Variants in IFNGR2 observed in about 807,000 individuals in gnomAD.
The protein encoded by IFNGR2 is interferon gamma receptor 2, also known as IFN-gamma receptor 2.
IFNGR2 carries 15 observed loss-of-function variants against 41.1 expected under a neutral mutation model. The ratio of observed to expected loss-of-function variants is 0.37; its 90% CI spans 0.24 to 0.56. The LOEUF (loss-of-function observed/expected upper bound fraction) is 0.56. Ranked by LOEUF, IFNGR2 falls within the 20% of genes least tolerant of loss-of-function variation. The pLI is 0.81. For synonymous variants in IFNGR2, 161 were observed against 171.6 expected (o/e 0.94, Z 0.48); for missense variants, 362 against 415.7 (o/e 0.87, Z 1.12).
intron 6 of IFNGR2, among the ~76,000 whole-genome samples, chr21:33,436,613 T>C (rs976655760): frequency 5.3e-5 from 8 of 151,846 alleles, no homozygotes; most frequent in Non-Finnish European, 1.2e-4. Context: ...TCCCAGCTAC[T>C]TGGAGGATTG....
At chr21:33,407,850 C>T (rs1434399575) in intron 1 of IFNGR2, among the ~76,000 whole-genome samples, 1 of 143,462 alleles carries the variant, frequency 7.0e-6, no homozygotes, top group Non-Finnish European at 1.5e-5. Flanking sequence ...CACCGCACCC[C>T]CCCCCGCCAA....
At chr21:33,420,473 A>T (rs2083784007) in intron 2 of IFNGR2, among the ~76,000 whole-genome samples, 1 of 152,174 alleles carries the variant, frequency 6.6e-6, no homozygotes, top group Admixed American at 6.6e-5. Context: ...ATGTGTGGCC[A>T]TGTATTTGGC....
chr21:33,403,626 G>T lies in IFNGR2; in HGVS notation c.73+10G>T, dbSNP rs990250212. On this transcript the variant is annotated intron_variant, in intron 1 of 6. Coordinates refer to ENST00000290219, the MANE Select transcript of IFNGR2 (RefSeq NM_005534.4). Reference sequence around the variant, plus strand: ...GCCGCGGCCCCGCCAGGTGAGCCGGGCCTGGGCCTCCGCGGCGGGACGCGG... The same window carrying T: ...GCCGCGGCCCCGCCAGGTGAGCCGGTCCTGGGCCTCCGCGGCGGGACGCGG... 5.3e-6 allele frequency: 7 copies of T among 1,325,358 alleles called. No homozygotes were observed. The Admixed American group carries it at 1.2e-4, about 23-fold the overall frequency. 82.1% of individuals were successfully genotyped at this position (1,325,358 alleles called of 1,614,324 possible). A position where few individuals can be genotyped will look rare whatever the true frequency, so the allele number is the denominator to read the frequency against.
intron 6 of IFNGR2, among the ~76,000 whole-genome samples, chr21:33,435,694 C>A (rs2083939348): frequency 6.6e-6 from 1 of 151,728 alleles, no homozygotes; most frequent in African/African-American, 2.4e-5. Flanking sequence ...ACCATCCTGG[C>A]CAACAGGGTG....
Position 33,421,715 on chromosome 21 carries a change from TATAC to T in IFNGR2, c.412+31_412+34del, listed in dbSNP as rs778612684. 4.5e-6 allele frequency: 7 copies of T among 1,559,872 alleles called. No individual in the cohort carries two copies. The Admixed American group carries it at 1.2e-4, about 26-fold the overall frequency. ...GAGAACTTGAGTATAGAACTTCCTT[TATAC>T]TTTCCAGGTTTTCTTCACTTGCGGT... On this transcript the variant is annotated intron_variant, in intron 3 of 6. Coordinates refer to ENST00000290219, the MANE Select transcript of IFNGR2 (RefSeq NM_005534.4).
chr21:33,436,600 T>C (rs988586680), intron 6 of IFNGR2, among the ~76,000 whole-genome samples: 1 of 151,882 alleles, frequency 6.6e-6, no homozygotes, highest in Non-Finnish European at 1.5e-5. Context: ...TGGGCACCTG[T>C]AGTCCCAGCT....
chr21:33,403,794 C>T (rs2083658141), intron 1 of IFNGR2, among the ~76,000 whole-genome samples, 178 bp downstream of exon 1: 1 of 152,000 alleles, frequency 6.6e-6, no homozygotes, highest in Non-Finnish European at 1.5e-5. Context: ...TGGGAACCTG[C>T]GGGTGCCCCA....
At position 33,437,098 on chromosome 21, in the gene IFNGR2, A is replaced by ACCTGCTGTCTCTCAT; in HGVS notation, c.*136_*137insCCTGCTGTCTCTCAT. The stretch of plus-strand genomic sequence containing the variant: ...AAAGGCCTGTCCCTGCAGACATGAG[A>ACCTGCTGTCTCTCAT]GACAGCAGGTCTCATGGGGGTGACA... On this transcript the variant is annotated 3_prime_UTR_variant, in exon 7 of 7. Transcript: ENST00000290219. The ACCTGCTGTCTCTCAT allele has an allele frequency of 2.5e-6, 2 of 787,764 alleles. No homozygotes were observed. The highest frequency in any genetic ancestry group is 2.1e-6 in the Non-Finnish European group (1 of 470,102). The allele number at this position is 787,764 out of a possible 1,614,324, so 48.8% of individuals were successfully genotyped here. A position where few individuals can be genotyped will look rare whatever the true frequency, so the allele number is the denominator to read the frequency against.
intron 1 of IFNGR2, chr21:33,411,452 A>AGATGGTG: frequency 2.1e-6 from 1 of 470,954 alleles, no homozygotes; most frequent in Non-Finnish European, 4.4e-6. Context: ...CAGAGATGGG[A>AGATGGTG]GATGGTGAAC....
chr21:33,410,778 A>G, intron 1 of IFNGR2: 2 of 1,203,928 alleles, frequency 1.7e-6, no homozygotes, highest in Non-Finnish European at 2.4e-6. Flanking sequence ...AATTAGAATA[A>G]CTTTTTACAT....
rs2083961531 is a variant in IFNGR2, at chr21:33,436,996, GA to G, written c.*36del. On this transcript the variant is annotated 3_prime_UTR_variant, in exon 7 of 7. Transcript: ENST00000290219. ...ATGGGCCTAGCCCACTGGCTCCCTG[GA>G]AGAGATCAAGCCATCGGAGCTGCTA... 4 of 1,612,372 alleles carry G rather than the reference GA, an allele frequency of 2.5e-6. No homozygotes were observed. Among genetic ancestry groups the G allele is most frequent in the Non-Finnish European group, 3.4e-6 (4 of 1,178,762 alleles).
At chr21:33,410,027 G>A (rs372147250) in intron 1 of IFNGR2, among the ~76,000 whole-genome samples, 4 of 152,126 alleles carry the variant, frequency 2.6e-5, no homozygotes, top group Middle Eastern at 3.4e-3. Context: ...CATTTTATGG[G>A]CGAACATACC....
At chr21:33,422,890 A>G (rs1019114978) in intron 3 of IFNGR2, among the ~76,000 whole-genome samples, 128 of 150,328 alleles carry the variant, frequency 8.5e-4, no homozygotes, top group Non-Finnish European at 1.5e-3. Context: ...AAAAAAAAAA[A>G]AAAAAAAAAA....
chr21:33,437,365 A>C lies in IFNGR2; in HGVS notation c.*403A>C. On this transcript the variant is annotated 3_prime_UTR_variant, in exon 7 of 7. Transcript: ENST00000290219. ...CGGAGCCCCTTGGGCAGGTCACACA[A>C]CCTGTCCCAGCGAGGGACACCGAGT... The C allele has an allele frequency of 5.0e-6, 1 of 198,510 alleles. No homozygotes were observed. The highest frequency in any genetic ancestry group is 2.4e-5 in the African/African-American group (1 of 42,472). The allele number at this position is 198,510 out of a possible 1,614,324, so 12.3% of individuals were successfully genotyped here.
chr21:33,431,444 T>G (rs2083886523), intron 4 of IFNGR2, among the ~76,000 whole-genome samples: 4 of 152,134 alleles, frequency 2.6e-5, no homozygotes, highest in Non-Finnish European at 5.9e-5. Context: ...ATGGTGGGTG[T>G]CTATAATCCC....
chr21:33,412,722 A>G (rs1389284848), intron 1 of IFNGR2, among the ~76,000 whole-genome samples: 1 of 151,972 alleles, frequency 6.6e-6, no homozygotes, highest in Non-Finnish European at 1.5e-5. Context: ...TGCCTGGCTA[A>G]TTTTTCTATT....
At chr21:33,416,359 G>A (rs1188913496) in intron 2 of IFNGR2, among the ~76,000 whole-genome samples, 2 of 152,142 alleles carry the variant, frequency 1.3e-5, no homozygotes, top group Non-Finnish European at 2.9e-5. Context: ...GATGTCATCT[G>A]GTAGAAATTG....
chr21:33,435,352 G>A (rs1457981834), intron 6 of IFNGR2, among the ~76,000 whole-genome samples: 3 of 151,844 alleles, frequency 2.0e-5, no homozygotes, highest in African/African-American at 7.3e-5. Flanking sequence ...AGAGCCCCCA[G>A]TCCCTCCTTC....
chr21:33,408,334 T>G (rs1381385037), intron 1 of IFNGR2, among the ~76,000 whole-genome samples: 1 of 151,986 alleles, frequency 6.6e-6, no homozygotes, highest in East Asian at 1.9e-4. Context: ...GTAACTGTGA[T>G]TACAGTATGC....
Sources: gnomAD v4.1 joint callset for allele counts (sites outside exome capture counted in the v4.1 genomes callset) on GRCh38, gnomAD v4.1.1 for gene constraint, MANE v1.5 for transcripts, NCBI Gene and HGNC (gene_info 2026-07-23, HGNC 2026-07-21) for gene names.